The following PRMT8 variants were observed in gnomAD, a reference collection of about 807,000 sequenced individuals.
PRMT8 encodes the protein protein arginine methyltransferase 8, also known as protein arginine N-methyltransferase 8.
A neutral mutation model predicts 47.1 loss-of-function variants in PRMT8; 7 were observed. The observed-to-expected ratio is 0.15, with a 90% CI of 0.08 to 0.28. PRMT8 has a LOEUF of 0.28. Among genes scored for constraint, PRMT8 ranks in the 10% least tolerant of loss-of-function variants. PRMT8 has a pLI of 1.00. For synonymous variants in PRMT8, 188 were observed against 186.5 expected (o/e 1.01, Z -0.07); for missense variants, 237 against 505.4 (o/e 0.47, Z 5.09).
intron 1 of PRMT8, among the ~76,000 whole-genome samples, chr12:3,494,992 G>A (rs1865484462): frequency 6.6e-6 from 1 of 152,102 alleles, no homozygotes; most frequent in African/African-American, 2.4e-5. Flanking sequence ...TCTCTTCCTC[G>A]GCTAAGGGAA....
intron 2 of PRMT8, among the ~76,000 whole-genome samples, chr12:3,548,166 C>T (rs1866358795): frequency 6.6e-6 from 1 of 151,984 alleles, no homozygotes; most frequent in Non-Finnish European, 1.5e-5. Flanking sequence ...AAAAAATGAG[C>T]TCACACCCCT....
Position 3,557,208 on chromosome 12 carries a change from C to G in PRMT8, c.481+3494C>G, listed in dbSNP as rs1026885472. Among the ~76,000 whole-genome samples the G allele has an allele frequency of 1.3e-5, 2 of 152,080 alleles. No homozygotes were observed. Among genetic ancestry groups the G allele is most frequent in the Non-Finnish European group, 2.9e-5 (2 of 68,018 alleles). On this transcript the variant is annotated intron_variant, in intron 4 of 9. Coordinates refer to ENST00000382622, the MANE Select transcript of PRMT8 (RefSeq NM_019854.5). This position sits in a 1 kb window ranked among gnomAD's most constrained non-coding sequence, Gnocchi z 4.7. ...CCATAGAGGCTCAGTGAGTCCCATCCTTGCTGTTGTGTGATCTTTCTCTTA... is the reference window on the plus strand; with the variant it reads ...CCATAGAGGCTCAGTGAGTCCCATCGTTGCTGTTGTGTGATCTTTCTCTTA...
intron 1 of PRMT8, among the ~76,000 whole-genome samples, chr12:3,396,631 T>C (rs1365968191): frequency 2.6e-5 from 4 of 152,134 alleles, no homozygotes; most frequent in Non-Finnish European, 5.9e-5. Flanking sequence ...CCTTTCTCTC[T>C]GGCTGCCCTT....
chr12:3,415,035 C>T (rs900023709), intron 1 of PRMT8, among the ~76,000 whole-genome samples: 1 of 152,078 alleles, frequency 6.6e-6, no homozygotes, highest in African/African-American at 2.4e-5. Context: ...CAATGCCAAA[C>T]CCAAGCCCCA....
At chr12:3,573,650 T>G (rs1316745266) in intron 6 of PRMT8, among the ~76,000 whole-genome samples, 1 of 152,216 alleles carries the variant, frequency 6.6e-6, no homozygotes, top group African/African-American at 2.4e-5. Flanking sequence ...AATGAGGGTG[T>G]GTGTGAGTCA....
intron 1 of PRMT8, among the ~76,000 whole-genome samples, chr12:3,397,262 G>A (rs1039339282): frequency 1.1e-4 from 17 of 151,894 alleles, no homozygotes; most frequent in Non-Finnish European, 1.9e-4. Context: ...GAGGAACTGC[G>A]TTCCTTTGGA....
chr12:3,526,153 G>A (rs548606971), intron 1 of PRMT8, among the ~76,000 whole-genome samples: 2 of 152,104 alleles, frequency 1.3e-5, no homozygotes, highest in African/African-American at 4.8e-5. Flanking sequence ...ATTTCACTTA[G>A]CATATGTCCT....
intron 1 of PRMT8, among the ~76,000 whole-genome samples, chr12:3,511,138 C>G (rs1865707210): frequency 6.6e-6 from 1 of 152,136 alleles, no homozygotes; most frequent in African/African-American, 2.4e-5. Flanking sequence ...TAACCTCACA[C>G]TTTGCCTGTT....
chr12:3,588,944 A>G (rs1180609666), intron 8 of PRMT8, among the ~76,000 whole-genome samples: 1 of 151,990 alleles, frequency 6.6e-6, no homozygotes, highest in Non-Finnish European at 1.5e-5. Flanking sequence ...GTTGTCCACA[A>G]CCCTTTCCTG....
In PRMT8 at chr12:3,569,425, C is replaced by A; in HGVS notation, c.625-52C>A. ...CTATGTGCAGTTCAAAATGTGATGTCTTTGTCAGGTGAATAGATTACGAGA... is the reference window on the plus strand; with the variant it reads ...CTATGTGCAGTTCAAAATGTGATGTATTTGTCAGGTGAATAGATTACGAGA... On this transcript the variant is annotated intron_variant, in intron 5 of 9. Transcript: ENST00000382622. This position sits in a 1 kb window ranked among gnomAD's most constrained non-coding sequence, Gnocchi z 8.2. The A allele has an allele frequency of 6.8e-7, 1 of 1,464,220 alleles. No homozygotes were observed. Among genetic ancestry groups the A allele is most frequent in the African/African-American group, 1.4e-5 (1 of 72,084 alleles). The allele number at this position is 1,464,220 out of a possible 1,614,324, so 90.7% of individuals were successfully genotyped here.
intron 1 of PRMT8, among the ~76,000 whole-genome samples, chr12:3,424,485 C>T (rs1055352137): frequency 5.9e-5 from 9 of 152,158 alleles, no homozygotes; most frequent in African/African-American, 2.2e-4. Context: ...AGAGCCATAT[C>T]CCCTTCCTAA....
chr12:3,548,606 G>C (rs909292035), intron 2 of PRMT8, among the ~76,000 whole-genome samples: 1 of 152,146 alleles, frequency 6.6e-6, no homozygotes, highest in Non-Finnish European at 1.5e-5. Flanking sequence ...AACCATCAGG[G>C]AAATACAATT....
intron 1 of PRMT8, among the ~76,000 whole-genome samples, chr12:3,421,344 C>T (rs1287475816): frequency 5.9e-5 from 9 of 152,188 alleles, no homozygotes; most frequent in African/African-American, 1.4e-4. Context: ...GCACATTCCA[C>T]GCTAAGGTCT....
At chr12:3,505,622 CT>C (rs1865611769) in intron 1 of PRMT8, among the ~76,000 whole-genome samples, 1 of 152,218 alleles carries the variant, frequency 6.6e-6, no homozygotes, top group Non-Finnish European at 1.5e-5. Context: ...CTTATTAATT[CT>C]GTTTTGCAAT....
At chr12:3,540,164 G>C (rs1178479191) in intron 1 of PRMT8, among the ~76,000 whole-genome samples, 1 of 152,196 alleles carries the variant, frequency 6.6e-6, no homozygotes, top group Non-Finnish European at 1.5e-5. Context: ...AAGTTCATAA[G>C]TTTGCCCAAA....
At chr12:3,528,295 G>T (rs983231217) in intron 1 of PRMT8, among the ~76,000 whole-genome samples, 45 of 151,826 alleles carry the variant, frequency 3.0e-4, no homozygotes, top group Non-Finnish European at 5.9e-4. Flanking sequence ...TTCATATTAG[G>T]CTATGTGAAG....
Position 3,464,797 on chromosome 12 carries a change from C to T in PRMT8, c.49-75809C>T, listed in dbSNP as rs560615142. On this transcript the variant is annotated intron_variant, in intron 1 of 9. Coordinates refer to the PRMT8 transcript ENST00000452611. ...ACTAAGCAAGTTTCAATCTTTCATT[C>T]GCATAAACAGACCTCATGGGAAACC... Among the ~76,000 whole-genome samples the T allele has an allele frequency of 1.1e-4, 17 of 152,194 alleles. No individual in the cohort carries two copies. In the East Asian group the frequency reaches 2.7e-3, roughly 24 times the overall value.
intron 1 of PRMT8, among the ~76,000 whole-genome samples, chr12:3,416,143 C>T (rs1864481533): frequency 6.6e-6 from 1 of 152,204 alleles, no homozygotes; most frequent in Non-Finnish European, 1.5e-5. Flanking sequence ...CTCCTCGCTC[C>T]ACGGGCCTCT....
chr12:3,527,018 T>G (rs973618166), intron 1 of PRMT8, among the ~76,000 whole-genome samples: 13 of 152,188 alleles, frequency 8.5e-5, no homozygotes, highest in Non-Finnish European at 1.8e-4. Context: ...AAACCTACCA[T>G]CTTGCTATTT....
Sources: allele counts gnomAD v4.1 joint callset (sites outside exome capture counted in the v4.1 genomes callset), GRCh38; gene constraint gnomAD v4.1.1; non-coding constraint Gnocchi (gnomAD v3.1); transcripts MANE v1.5; gene names NCBI Gene and HGNC (gene_info 2026-07-23, HGNC 2026-07-21).